Variants in ADAM12 observed in about 807,000 individuals in gnomAD.
ADAM12 encodes disintegrin and metalloproteinase domain-containing protein 12.
In ADAM12, 70 loss-of-function variants were observed where a neutral mutation model predicts 106.4. The ratio of observed to expected loss-of-function variants is 0.66; its 90% CI spans 0.54 to 0.80. The LOEUF is 0.80. ADAM12 is among the 30% of genes least tolerant of loss of function. ADAM12 has a pLI of 0.00. For missense variants in ADAM12, 1,010 were observed against 1,171.9 expected, an observed-to-expected ratio of 0.86 and a Z score of 2.02; for synonymous variants, 420 against 433.5, an observed-to-expected ratio of 0.97 and a Z score of 0.39.
At chr10:126,194,566 C>T (rs977202772) in intron 3 of ADAM12, among the ~76,000 whole-genome samples, 3 of 152,072 alleles carry the variant, frequency 2.0e-5, no homozygotes, top group Admixed American at 2.0e-4. Context: ...TAAATGTATG[C>T]AAGAATAAAA....
intron 2 of ADAM12, among the ~76,000 whole-genome samples, chr10:126,326,481 G>A (rs756048742): frequency 2.0e-5 from 3 of 152,042 alleles, no homozygotes; most frequent in East Asian, 1.9e-4. Context: ...TTGAATCCAC[G>A]GGCAAGTCCA....
At chr10:126,123,326 T>C (rs754838556) in intron 5 of ADAM12, among the ~76,000 whole-genome samples, 2 of 152,292 alleles carry the variant, frequency 1.3e-5, no homozygotes, top group South Asian at 4.1e-4. Flanking sequence ...AAACCTGAAG[T>C]TGGAAGACTC....
At chr10:126,152,768 T>G (rs1236719299) in intron 4 of ADAM12, among the ~76,000 whole-genome samples, 1 of 152,180 alleles carries the variant, frequency 6.6e-6, no homozygotes, top group Non-Finnish European at 1.5e-5. Context: ...GAGATTAATA[T>G]GTTGACTCAT....
intron 3 of ADAM12, among the ~76,000 whole-genome samples, chr10:126,234,086 A>G (rs1389890343): frequency 2.6e-5 from 4 of 152,218 alleles, no homozygotes; most frequent in Admixed American, 2.6e-4. Flanking sequence ...CAGCAGGCGG[A>G]GTACAGAAAT....
chr10:126,248,984 G>T (rs1958688733), intron 3 of ADAM12, among the ~76,000 whole-genome samples: 1 of 152,074 alleles, frequency 6.6e-6, no homozygotes, highest in African/African-American at 2.4e-5. Context: ...GGGATTACAG[G>T]CATGAGCCAC....
intron 3 of ADAM12, among the ~76,000 whole-genome samples, chr10:126,242,098 T>C (rs1958538039): frequency 6.6e-6 from 1 of 152,138 alleles, no homozygotes; most frequent in Non-Finnish European, 1.5e-5. Flanking sequence ...TTCTGAAAAA[T>C]TGCATGCAAA....
In ADAM12 at chr10:126,014,276, T is replaced by A. The variant is rs1320851278; in HGVS notation, c.*3003A>T. 6.8e-6 allele frequency: 1 copy of A among 146,744 alleles called. No homozygotes were observed. The highest frequency in any genetic ancestry group is 2.5e-5 in the African/African-American group (1 of 40,028). 9.1% of individuals were successfully genotyped at this position (146,744 alleles called of 1,614,324 possible). A position where few individuals can be genotyped will look rare whatever the true frequency, so the allele number is the denominator to read the frequency against. Reference sequence around the variant, plus strand: ...GCTCTTTTTAGCACCGTGGAGACCATAGGCTCCTTAAGAACATTTTGACAC... The same window carrying A: ...GCTCTTTTTAGCACCGTGGAGACCAAAGGCTCCTTAAGAACATTTTGACAC... On this transcript the variant is annotated 3_prime_UTR_variant, in exon 23 of 23. Transcript: ENST00000448723.
chr10:126,370,933 T>C (rs568201394), intron 1 of ADAM12, among the ~76,000 whole-genome samples: 1 of 152,316 alleles, frequency 6.6e-6, no homozygotes, highest in Non-Finnish European at 1.5e-5. Context: ...CATAGGGATA[T>C]TTTAACCACA....
chr10:126,193,952 G>A (rs548454777), intron 3 of ADAM12, among the ~76,000 whole-genome samples: 12 of 131,152 alleles, frequency 9.1e-5, no homozygotes, highest in Non-Finnish European at 1.8e-4. Context: ...ATAAACATGT[G>A]AGAGAGGCCT....
intron 21 of ADAM12, 26 bp downstream of exon 21, chr10:126,036,120 C>T (rs1430035943): frequency 1.5e-6 from 2 of 1,370,744 alleles, no homozygotes; most frequent in Non-Finnish European, 1.9e-6. Flanking sequence ...GAACTACATC[C>T]TATCATATTA....
At chr10:126,378,423 A>G (rs1231771101) in intron 1 of ADAM12, among the ~76,000 whole-genome samples, 2 of 152,256 alleles carry the variant, frequency 1.3e-5, no homozygotes, top group Admixed American at 6.5e-5. Context: ...TAGTCATTCA[A>G]TTAAAAGGAA....
chr10:126,053,735 C>T lies in ADAM12; in HGVS notation c.1610-4066G>A, dbSNP rs12569915. Among the ~76,000 whole-genome samples the T allele has an allele frequency of 0.16, 23,799 of 151,754 alleles. 2,535 individuals carry two copies. The highest frequency in any genetic ancestry group is 0.26 in the East Asian group (1,329 of 5,160). ...TTTTATTTTTTTTGAGAGAGAGTTT[C>T]GCTCTTGTTGCCCAGGCTCGAGTGC... On this transcript the variant is annotated intron_variant, in intron 14 of 22. Transcript: ENST00000448723. The surrounding 1 kb of genome is among the most constrained non-coding windows in gnomAD (Gnocchi z 4.6).
intron 14 of ADAM12, among the ~76,000 whole-genome samples, chr10:126,060,947 A>AGAG (rs1954742569): frequency 6.6e-6 from 1 of 150,804 alleles, no homozygotes; most frequent in South Asian, 2.1e-4. Context: ...TCTTCAAGGC[A>AGAG]CAGCCCAAGC....
chr10:126,207,598 C>A (rs573193621), intron 3 of ADAM12, among the ~76,000 whole-genome samples: 1 of 152,152 alleles, frequency 6.6e-6, no homozygotes, highest in East Asian at 1.9e-4. Context: ...ATATAAAATA[C>A]GATTGCTTCT....
Position 126,046,132 on chromosome 10 carries a change from T to C in ADAM12, c.1918A>G (p.Ile640Val). 1 of 1,613,814 alleles carries C rather than the reference T, an allele frequency of 6.2e-7. No individual in the cohort carries two copies. Among genetic ancestry groups the C allele is most frequent in the South Asian group, 1.1e-5 (1 of 91,074 alleles). ...TTTTGACATTGACGATTCAGGCAGA[T>C]CTGTAGGAGGAGGAAAACACAGCAA... ...LAGTKCADGKICLNRQCQNIS... is the reference protein window; with the variant it reads ...LAGTKCADGKVCLNRQCQNIS... Residue 640 changes from isoleucine to valine, a missense_variant and splice_region_variant, in exon 17 of 23, where the codon ATC becomes GTC. Around this residue, in one of 3 missense-constraint regions of ADAM12, gnomAD observed 615 missense variants for 708.5 expected, o/e 0.87. Transcript: ENST00000448723.
chr10:126,081,569 G>A (rs1955217582), intron 11 of ADAM12, among the ~76,000 whole-genome samples: 1 of 152,212 alleles, frequency 6.6e-6, no homozygotes, highest in African/African-American at 2.4e-5. Context: ...GGCAGACCCA[G>A]GAGGCTCTTC....
intron 14 of ADAM12, among the ~76,000 whole-genome samples, chr10:126,059,935 G>A (rs2133467079): frequency 6.6e-6 from 1 of 152,228 alleles, no homozygotes; most frequent in Admixed American, 6.5e-5. Context: ...GAAAATCTTT[G>A]TAGATATTAA....
chr10:126,353,438 T>C (rs1469775168), intron 1 of ADAM12, among the ~76,000 whole-genome samples: 1 of 151,740 alleles, frequency 6.6e-6, no homozygotes, highest in African/African-American at 2.4e-5. Flanking sequence ...GTGAAGGAGG[T>C]TTCCCAAGGG....
At chr10:126,328,652 T>A (rs528710793) in intron 2 of ADAM12, among the ~76,000 whole-genome samples, 1 of 152,342 alleles carries the variant, frequency 6.6e-6, no homozygotes, top group African/African-American at 2.4e-5. Context: ...TATGTTGAGA[T>A]GAGCCCACTG....
Sources: gnomAD v4.1 joint callset for allele counts (sites outside exome capture counted in the v4.1 genomes callset) on GRCh38, gnomAD v4.1.1 for gene constraint, gnomAD v4.1.1 regional missense constraint, Gnocchi (gnomAD v3.1) non-coding constraint, MANE v1.5 for transcripts, NCBI Gene and HGNC (gene_info 2026-07-23, HGNC 2026-07-21) for gene names.